The following HMBOX1 variants were observed in gnomAD, a reference collection of about 807,000 sequenced individuals.
The protein encoded by HMBOX1 is homeobox-containing protein 1.
HMBOX1 carries 14 observed loss-of-function variants against 54.5 expected under a neutral mutation model. That is an observed-to-expected ratio of 0.26 (90% confidence interval 0.17 to 0.40). The LOEUF is 0.40. HMBOX1 is among the 10% of genes least tolerant of loss of function. The pLI is 1.00. For missense variants in HMBOX1, 332 were observed against 514.4 expected (o/e 0.65, Z 3.43); for synonymous variants, 160 against 181.0 (o/e 0.88, Z 0.93).
chr8:28,901,647 A>C (rs1813254272), intron 1 of HMBOX1, among the ~76,000 whole-genome samples: 1 of 152,180 alleles, frequency 6.6e-6, no homozygotes, highest in Admixed American at 6.5e-5. Flanking sequence ...AATTTTTATC[A>C]AACTTTTCAT....
At chr8:29,044,960 A>G (rs1210814246) in intron 6 of HMBOX1, among the ~76,000 whole-genome samples, 1 of 152,254 alleles carries the variant, frequency 6.6e-6, no homozygotes, top group East Asian at 1.9e-4. Flanking sequence ...TGCCTAAATA[A>G]TATAACTCTG....
chr8:29,002,340 G>A (rs1002491014), intron 4 of HMBOX1, among the ~76,000 whole-genome samples: 1 of 152,164 alleles, frequency 6.6e-6, no homozygotes, highest in African/African-American at 2.4e-5. Flanking sequence ...AGAAGGAGAC[G>A]AAGGCAGAAG....
At chr8:28,900,811 C>T (rs1813114199) in intron 1 of HMBOX1, among the ~76,000 whole-genome samples, 1 of 151,790 alleles carries the variant, frequency 6.6e-6, no homozygotes, top group African/African-American at 2.4e-5. Context: ...GTTTTTTAAC[C>T]TTATATACTT....
At chr8:28,929,018 A>C (rs889296312) in intron 1 of HMBOX1, among the ~76,000 whole-genome samples, 1 of 152,234 alleles carries the variant, frequency 6.6e-6, no homozygotes, top group Non-Finnish European at 1.5e-5. Flanking sequence ...TGGTAACTAC[A>C]TGATGTTTGG....
At chr8:28,967,890 A>G (rs1826706432) in intron 2 of HMBOX1, among the ~76,000 whole-genome samples, 1 of 152,248 alleles carries the variant, frequency 6.6e-6, no homozygotes, top group Non-Finnish European at 1.5e-5. Flanking sequence ...ACTGTGGCCC[A>G]TGGGCACAAA....
chr8:28,986,629 A>G (rs1416857647), intron 4 of HMBOX1, among the ~76,000 whole-genome samples: 3 of 152,200 alleles, frequency 2.0e-5, no homozygotes, highest in Non-Finnish European at 4.4e-5. Context: ...AGTTTTTGTT[A>G]GGAGAAACCT....
intron 1 of HMBOX1, among the ~76,000 whole-genome samples, chr8:28,943,770 G>A (rs1007137882): frequency 3.3e-5 from 5 of 152,164 alleles, no homozygotes; most frequent in African/African-American, 1.2e-4. Flanking sequence ...AGATGGTGGG[G>A]TTACCACTGT....
intron 4 of HMBOX1, among the ~76,000 whole-genome samples, chr8:28,986,944 G>A (rs1252078561): frequency 6.6e-6 from 1 of 152,072 alleles, no homozygotes; most frequent in African/African-American, 2.4e-5. Flanking sequence ...GTGAGGAATT[G>A]GAGTGGAAAT....
chr8:29,029,933 C>T (rs997561256), intron 6 of HMBOX1, among the ~76,000 whole-genome samples: 2 of 151,766 alleles, frequency 1.3e-5, no homozygotes, highest in African/African-American at 4.8e-5. Flanking sequence ...ATTATTATTA[C>T]TATTATTATC....
chr8:28,960,497 C>CAAAGTAT (rs1436882259), intron 1 of HMBOX1, among the ~76,000 whole-genome samples: 1 of 151,600 alleles, frequency 6.6e-6, no homozygotes, highest in East Asian at 1.9e-4. Context: ...AGAAGGTTTA[C>CAAAGTAT]AAAGTATCTT....
rs758201711 is a variant in HMBOX1, at chr8:28,970,480, A to G, written c.461A>G (p.Glu154Gly). ...QRSYSFEASE[E>G]DLDVDDKVEE... ...TCATACAGTTTTGAAGCCTCAGAAG[A>G]GGACCTAGATGTAGATGATAAAGTG... Residue 154 changes from glutamate to glycine, a missense_variant, in exon 3 of 10, where the codon GAG becomes GGG. Glu to Gly is a moderately conservative substitution (Grantham distance 98). Transcript: ENST00000287701. The surrounding 1 kb of genome is among the most constrained non-coding windows in gnomAD (Gnocchi z 4.3). 2.5e-6 allele frequency: 4 copies of G among 1,611,550 alleles called. No individual in the cohort carries two copies. The highest frequency in any genetic ancestry group is 1.7e-5 in the Admixed American group (1 of 59,898).
In HMBOX1 at chr8:28,963,796, A is replaced by G. The variant is rs372823432; in HGVS notation, c.-57-15A>G. 2.4e-4 allele frequency: 299 copies of G among 1,242,386 alleles called. 2 individuals carry two copies. Among genetic ancestry groups the G allele is most frequent in the Non-Finnish European group, 6.0e-5 (53 of 884,110 alleles). The allele number at this position is 1,242,386 out of a possible 1,614,324, so 77.0% of individuals were successfully genotyped here. A position where few individuals can be genotyped will look rare whatever the true frequency, so the allele number is the denominator to read the frequency against. On this transcript the variant is annotated splice_polypyrimidine_tract_variant and intron_variant, in intron 1 of 9. Transcript: ENST00000287701. Reference sequence around the variant, plus strand: ...TAACATAAATGTTTCTCAATTTTCTATCTTTGTTCTACAGAATGGTAGATA... The same window carrying G: ...TAACATAAATGTTTCTCAATTTTCTGTCTTTGTTCTACAGAATGGTAGATA...
chr8:28,992,090 A>G (rs1015289756), intron 4 of HMBOX1, among the ~76,000 whole-genome samples: 9 of 152,202 alleles, frequency 5.9e-5, no homozygotes, highest in African/African-American at 4.8e-5. Flanking sequence ...GCAATTTGGT[A>G]TATAGAGAAA....
rs144408244 is a variant in HMBOX1, at chr8:29,017,144, AG to A, written c.698-1615del. Among the ~76,000 whole-genome samples, 134 of 152,328 alleles carry A rather than the reference AG, an allele frequency of 8.8e-4. 2 individuals carry two copies. In the East Asian group the frequency reaches 0.021, roughly 23 times the overall value. ...ATGCTGGCACCTGGGTGGAGTTGGCAGAAGACCCTGGGGACTGTCAGAGCAT... is the reference window on the plus strand; with the variant it reads ...ATGCTGGCACCTGGGTGGAGTTGGCAAAGACCCTGGGGACTGTCAGAGCAT... On this transcript the variant is annotated intron_variant, in intron 5 of 9. Transcript: ENST00000287701.
intron 1 of HMBOX1, among the ~76,000 whole-genome samples, chr8:28,947,072 G>A (rs527396948): frequency 7.2e-4 from 110 of 152,266 alleles, no homozygotes; most frequent in South Asian, 5.4e-3. Flanking sequence ...CTTATCTGTA[G>A]CCCAGGTTTT....
In HMBOX1 at chr8:29,051,175, C is replaced by G; in HGVS notation, c.*20C>G. ...GACTGATCAGGGAGGTTAAACATGA[C>G]AAGTTAACTTAGTTTAGACGTAGCA... On this transcript the variant is annotated 3_prime_UTR_variant, in exon 10 of 10. Transcript: ENST00000287701. 6.2e-7 allele frequency: 1 copy of G among 1,612,666 alleles called. No homozygotes were observed. The highest frequency in any genetic ancestry group is 8.5e-7 in the Non-Finnish European group (1 of 1,179,402).
intron 4 of HMBOX1, among the ~76,000 whole-genome samples, chr8:28,989,048 G>A (rs868364856): frequency 4.6e-5 from 7 of 152,158 alleles, no homozygotes; most frequent in African/African-American, 1.7e-4. Flanking sequence ...CGAGGCGGGC[G>A]AATCACAGGA....
At chr8:28,993,730 T>C (rs1452929044) in intron 4 of HMBOX1, among the ~76,000 whole-genome samples, 1 of 152,218 alleles carries the variant, frequency 6.6e-6, no homozygotes, top group Non-Finnish European at 1.5e-5. Context: ...ACCGGCCAGA[T>C]TCAATTCAGG....
chr8:28,994,059 C>T (rs1045230596), intron 4 of HMBOX1, among the ~76,000 whole-genome samples: 2 of 150,780 alleles, frequency 1.3e-5, no homozygotes, highest in African/African-American at 2.4e-5. Flanking sequence ...CCCAGTTATT[C>T]GGGAGACTGA....
Sources: allele counts gnomAD v4.1 joint callset (sites outside exome capture counted in the v4.1 genomes callset), GRCh38; gene constraint gnomAD v4.1.1; non-coding constraint Gnocchi (gnomAD v3.1); transcripts MANE v1.5; gene names NCBI Gene and HGNC (gene_info 2026-07-23, HGNC 2026-07-21).